Variants in CD151 observed in about 807,000 individuals in gnomAD.
CD151 encodes the protein CD151 antigen.
In CD151, 20 loss-of-function variants were observed where a neutral mutation model predicts 34.2. The ratio of observed to expected loss-of-function variants is 0.58; its 90% CI spans 0.41 to 0.85. The LOEUF is 0.85. CD151 is among the 40% of genes least tolerant of loss of function. CD151 has a pLI of 0.00. For synonymous variants in CD151, 157 were observed against 131.7 expected, an observed-to-expected ratio of 1.19 and a Z score of -1.32; for missense variants, 306 against 324.5, an observed-to-expected ratio of 0.94 and a Z score of 0.44.
rs34139373 is a variant in CD151 at position 836,001 on chromosome 11, A to G, written c.-7-62A>G. ...CGCGCCTGGCCCTGTGTCCCCTCCT[A>G]TCCGTCTCCCAGTCAGGGGCCCGGT... On this transcript the variant is annotated intron_variant, in intron 2 of 8. Coordinates refer to ENST00000397420, the MANE Select transcript of CD151 (RefSeq NM_004357.5). The G allele has an allele frequency of 6.5e-4, 645 of 986,702 alleles. 4 individuals are homozygous for G. In the African/African-American group the frequency reaches 9.2e-3, roughly 14 times the overall value. The allele number at this position is 986,702 out of a possible 1,614,324, so 61.1% of individuals were successfully genotyped here.
chr11:835,388 GAGTGC>G (rs932067778), intron 2 of CD151: 1 of 152,286 alleles, frequency 6.6e-6, no homozygotes, highest in African/African-American at 2.4e-5. Context: ...GCCCAGCCTG[GAGTGC>G]AGTGGCACCA....
At chr11:833,728 A>G (rs7947543) in intron 1 of CD151, among the ~76,000 whole-genome samples, 100,568 of 151,022 alleles carry the variant, frequency 0.67, 34,188 homozygotes, top group East Asian at 0.9. Flanking sequence ...CCCAGAACCA[A>G]CTTCTCCAGA....
intron 4 of CD151, 149 bp from the exon 5 acceptor site, chr11:836,620 C>T (rs1053678440): frequency 2.3e-6 from 2 of 864,228 alleles, no homozygotes; most frequent in African/African-American, 1.7e-5. Context: ...AGGGAAGACA[C>T]CAGCTCCGCA....
intron 1 of CD151, among the ~76,000 whole-genome samples, 154 bp downstream of exon 1, chr11:833,180 C>G (rs1284455426): frequency 8.2e-6 from 1 of 121,804 alleles, no homozygotes; most frequent in Non-Finnish European, 1.8e-5. Context: ...TCCGGGAGGC[C>G]GCACCCACCG....
intron 2 of CD151, chr11:834,986 G>GC (rs1846694848): frequency 2.0e-5 from 3 of 152,588 alleles, no homozygotes; most frequent in Admixed American, 1.3e-4. Context: ...CTACCCCTCT[G>GC]CTGTCTGAGT....
chr11:837,880 C>A, intron 7 of CD151, 62 bp from the exon 8 acceptor site: 2 of 1,307,626 alleles, frequency 1.5e-6, no homozygotes, highest in Non-Finnish European at 2.1e-6. Flanking sequence ...AGGCTGGAGG[C>A]AGTAGGGGCC....
rs574746390 is a variant in CD151 at position 837,049 on chromosome 11, C to T, written c.352-201C>T. The T allele has an allele frequency of 1.1e-3, 691 of 654,700 alleles. 8 individuals are homozygous for T. In the South Asian group the frequency reaches 0.012, roughly 11 times the overall value. The allele number at this position is 654,700 out of a possible 1,614,324, so 40.6% of individuals were successfully genotyped here. On this transcript the variant is annotated intron_variant, in intron 5 of 8. Coordinates refer to ENST00000397420, the MANE Select transcript of CD151 (RefSeq NM_004357.5). ...TGTCCAGGGGATCCAGAAGCTCTCT[C>T]TGCCTCTGCCGCACTTCATTGTCAC...
chr11:835,995 C>T, intron 2 of CD151, 68 bp from the exon 3 acceptor site: 1 of 933,660 alleles, frequency 1.1e-6, no homozygotes. Flanking sequence ...CCCTGTGTCC[C>T]CTCCTATCCG....
intron 7 of CD151, 41 bp from the exon 8 acceptor site, chr11:837,901 G>GC (rs989850577): frequency 8.8e-6 from 13 of 1,479,484 alleles, no homozygotes; most frequent in East Asian, 2.3e-5. Context: ...AGTGGGAGGT[G>GC]CCCCCTGGGC....
Position 836,723 on chromosome 11 carries a change from G to A in CD151, c.277-46G>A, listed in dbSNP as rs1377826274. On this transcript the variant is annotated intron_variant, in intron 4 of 8. Coordinates refer to ENST00000397420, the MANE Select transcript of CD151 (RefSeq NM_004357.5). ...TCTGCTCTGAGGTGCACTAGGTCTA[G>A]GCACTAGGCCTCAGAACAAGGGTGC... 12 of 1,568,504 alleles carry A rather than the reference G, an allele frequency of 7.7e-6. No homozygotes were observed. The South Asian group carries it at 1.2e-4, about 16-fold the overall frequency.
chr11:837,227 A>T, intron 5 of CD151, 23 bp from the exon 6 acceptor site: 1 of 1,594,152 alleles, frequency 6.3e-7, no homozygotes, highest in Non-Finnish European at 8.6e-7. Context: ...CTGAGGCTGA[A>T]GTTTCCTGCA....
In CD151 at chr11:838,548, T is replaced by G; in HGVS notation, c.*356T>G. On this transcript the variant is annotated 3_prime_UTR_variant, in exon 9 of 9. Coordinates refer to ENST00000397420, the MANE Select transcript of CD151 (RefSeq NM_004357.5). ...GCCCTTCAGGAACTGGGGCCTTGCC[T>G]TGCAGCCACATGGCCCCATCCCAGT... The G allele has an allele frequency of 2.8e-6, 1 of 363,002 alleles. No individual in the cohort carries two copies. The allele number at this position is 363,002 out of a possible 1,614,324, so 22.5% of individuals were successfully genotyped here.
chr11:837,503 G>A lies in CD151; in HGVS notation c.500G>A (p.Ser167Asn), dbSNP rs905590340. ...AACAACTCACAGGACTGGCGAGACA[G>A]TGAGTGGATCCGCTCACAGGAGGCC... ...GSNNSQDWRDSEWIRSQEAGG... is the reference protein window; with the variant it reads ...GSNNSQDWRDNEWIRSQEAGG... Residue 167 changes from serine to asparagine, a missense_variant, in exon 7 of 9, where the codon AGT becomes AAT. Physicochemically the swap from Ser to Asn is conservative, Grantham distance 46. Coordinates refer to ENST00000397420, the MANE Select transcript of CD151 (RefSeq NM_004357.5). The A allele has an allele frequency of 1.2e-6, 2 of 1,613,018 alleles. No homozygotes were observed. The highest frequency in any genetic ancestry group is 3.3e-5 in the Admixed American group (2 of 60,026).
At chr11:837,667 G>T in intron 7 of CD151, 49 bp downstream of exon 7, 1 of 1,569,362 alleles carries the variant, frequency 6.4e-7, no homozygotes. Flanking sequence ...GGTGGTGGGG[G>T]GGCACCCCAG....
intron 2 of CD151, chr11:834,796 C>T (rs1846688183): frequency 6.6e-6 from 1 of 152,364 alleles, no homozygotes; most frequent in Admixed American, 6.5e-5. Context: ...TCTGTGCTGC[C>T]CCCTCAGGTT....
At position 836,792 on chromosome 11, in the gene CD151, C is replaced by T. The variant is rs1463539548; in HGVS notation, c.300C>T (p.Ile100=). 1.2e-6 allele frequency: 2 copies of T among 1,612,820 alleles called. No individual in the cohort carries two copies. The highest frequency in any genetic ancestry group is 1.3e-5 in the African/African-American group (1 of 75,040). The change falls in exon 5 of 9, where the codon ATC becomes ATT. Residue 100 remains isoleucine, a synonymous_variant. Coordinates refer to ENST00000397420, the MANE Select transcript of CD151 (RefSeq NM_004357.5). ...AGTACTTCATCCTGCTCCTCATCAT[C>T]TTTCTGCTGGAGATCATCGCTGGTA... ...LRLYFILLLI[I]FLLEIIAGIL...
At chr11:838,079 CGGTGGCT>C (rs1846847387) in intron 8 of CD151, 47 bp from the exon 9 acceptor site, 2 of 1,604,906 alleles carry the variant, frequency 1.2e-6, no homozygotes, top group Non-Finnish European at 1.7e-6. Context: ...CGGGGCAGGG[CGGTGGCT>C]GGTGGCCCCA....
At chr11:836,542 G>C (rs1565117758) in intron 4 of CD151, 100 bp downstream of exon 4, 5 of 936,982 alleles carry the variant, frequency 5.3e-6, no homozygotes, top group South Asian at 3.2e-5. Flanking sequence ...GCTCACCTGG[G>C]GGGGGGGTCA....
chr11:836,260 C>T lies in CD151; in HGVS notation c.94C>T (p.Leu32=). The T allele has an allele frequency of 1.2e-6, 2 of 1,610,420 alleles. No homozygotes were observed. The highest frequency in any genetic ancestry group is 1.1e-5 in the South Asian group (1 of 91,058). The change falls in exon 4 of 9, where the codon CTG becomes TTG. Residue 32 remains leucine, a synonymous_variant. Transcript: ENST00000397420. Reference sequence around the variant, plus strand: ...TGTGTACTGCTTGTAGCTGGCTGGCCTGGCTGTCATGGCAGTGGGCATCTG... The same window carrying T: ...TGTGTACTGCTTGTAGCTGGCTGGCTTGGCTGTCATGGCAGTGGGCATCTG... ...TYNCCFWLAG[L]AVMAVGIWTL... is the part of the protein sequence containing the mutation.
Sources: allele counts gnomAD v4.1 joint callset (sites outside exome capture counted in the v4.1 genomes callset), GRCh38; gene constraint gnomAD v4.1.1; transcripts MANE v1.5; gene names NCBI Gene and HGNC (gene_info 2026-07-23, HGNC 2026-07-21).